PDK4: variants seen among roughly 807,000 people sequenced by gnomAD.
The protein encoded by PDK4 is pyruvate dehydrogenase kinase, isozyme 4.
A neutral mutation model predicts 51.7 loss-of-function variants in PDK4; 43 were observed. The ratio of observed to expected loss-of-function variants is 0.83; its 90% CI spans 0.65 to 1.07. The LOEUF is 1.07. PDK4 is among the 50% of genes least tolerant of loss of function. The pLI, the probability that PDK4 is intolerant of heterozygous loss-of-function variation, is 0.00. For missense variants in PDK4, 498 were observed against 503.5 expected (o/e 0.99, Z 0.10); for synonymous variants, 170 against 176.6 (o/e 0.96, Z 0.30).
At chr7:95,595,749 A>G (rs1791610836) in intron 1 of PDK4, among the ~76,000 whole-genome samples, 1 of 152,368 alleles carries the variant, frequency 6.6e-6, no homozygotes, top group East Asian at 1.9e-4. Flanking sequence ...GAAGGATGCC[A>G]GGTGGCTAAG....
chr7:95,589,702 G>A lies in PDK4; in HGVS notation c.709C>T (p.Gln237Ter). The stretch of plus-strand genomic sequence containing the variant: ...GGAACATACACGATGTGAATTGGTT[G>A]GTCTGGAAATTTTCCTAGAAAAATA... ...LTQVNGKFPD[Q>*]PIHIVYVPSH... is the part of the protein sequence containing the mutation. The change falls in exon 7 of 11, where the codon CAA becomes TAA. Residue 237 changes from glutamine to a stop codon, truncating the protein, a stop_gained. Transcript: ENST00000005178. LOFTEE classifies it high-confidence loss of function. 1 of 1,577,334 alleles carries A rather than the reference G, an allele frequency of 6.3e-7. No homozygotes were observed. Among genetic ancestry groups the A allele is most frequent in the Middle Eastern group, 1.7e-4 (1 of 5,990 alleles).
chr7:95,592,635 A>C, intron 4 of PDK4, 38 bp from the exon 5 acceptor site: 1 of 1,473,856 alleles, frequency 6.8e-7, no homozygotes, highest in Non-Finnish European at 9.5e-7. Context: ...TTGTTATAAA[A>C]TTCAGGATAA....
In PDK4 at chr7:95,583,827, A is replaced by G. The variant is rs2116707254; in HGVS notation, c.*1814T>C. On this transcript the variant is annotated 3_prime_UTR_variant, in exon 11 of 11. Transcript: ENST00000005178. ...TAAATACAAGTATTTACATGTAAAAATGTTTAGCTCAAATTTCAGTAAAAA... is the reference window on the plus strand; with the variant it reads ...TAAATACAAGTATTTACATGTAAAAGTGTTTAGCTCAAATTTCAGTAAAAA... The G allele has an allele frequency of 6.5e-6, 1 of 152,698 alleles. No homozygotes were observed. The highest frequency in any genetic ancestry group is 2.1e-4 in the South Asian group (1 of 4,826). 9.5% of individuals were successfully genotyped at this position (152,698 alleles called of 1,614,324 possible). A position where few individuals can be genotyped will look rare whatever the true frequency, so the allele number is the denominator to read the frequency against.
In PDK4 at chr7:95,596,376, G is replaced by C; in HGVS notation, c.-83C>G. The C allele has an allele frequency of 7.0e-7, 1 of 1,425,218 alleles. No homozygotes were observed. Among genetic ancestry groups the C allele is most frequent in the Non-Finnish European group, 9.2e-7 (1 of 1,086,750 alleles). 88.3% of individuals were successfully genotyped at this position (1,425,218 alleles called of 1,614,324 possible). A position where few individuals can be genotyped will look rare whatever the true frequency, so the allele number is the denominator to read the frequency against. On this transcript the variant is annotated 5_prime_UTR_variant, in exon 1 of 11. Coordinates refer to ENST00000005178, the MANE Select transcript of PDK4 (RefSeq NM_002612.4). Reference sequence around the variant, plus strand: ...CGGAGCAGAGCCTGGTTCCGAGGGGGCGCGGCGCGTCCGGGCGAGGACTGC... The same window carrying C: ...CGGAGCAGAGCCTGGTTCCGAGGGGCCGCGGCGCGTCCGGGCGAGGACTGC...
At chr7:95,592,994 C>T (rs772711557) in intron 3 of PDK4, 50 bp from the exon 4 acceptor site, 17 of 1,277,020 alleles carry the variant, frequency 1.3e-5, no homozygotes, top group Middle Eastern at 3.8e-4. Context: ...GTTTCATTCA[C>T]TTATACTCCT....
Position 95,585,615 on chromosome 7 carries a change from C to A in PDK4, c.*26G>T. 6.3e-7 allele frequency: 1 copy of A among 1,585,324 alleles called. No individual in the cohort carries two copies. Among genetic ancestry groups the A allele is most frequent in the Non-Finnish European group, 8.6e-7 (1 of 1,159,694 alleles). On this transcript the variant is annotated 3_prime_UTR_variant, in exon 11 of 11. Coordinates refer to ENST00000005178, the MANE Select transcript of PDK4 (RefSeq NM_002612.4). ...GCACTGGTGTAGACCCACTTTGATCCCGTAAAGTGTCCTGAGTGTCCCTCT... is the reference window on the plus strand; with the variant it reads ...GCACTGGTGTAGACCCACTTTGATCACGTAAAGTGTCCTGAGTGTCCCTCT...
intron 6 of PDK4, 100 bp from the exon 7 acceptor site, chr7:95,589,816 C>T (rs1791530407): frequency 2.8e-6 from 2 of 711,860 alleles, no homozygotes; most frequent in Admixed American, 2.1e-5. Context: ...AGAGGGTTGG[C>T]ATATTCTCTA....
In PDK4 at chr7:95,589,243, C is replaced by A. The variant is rs572553193; in HGVS notation, c.771+397G>T. On this transcript the variant is annotated intron_variant, in intron 7 of 10. Transcript: ENST00000005178. ...CATACCACCTACAGGAATTCTGGAC[C>A]TGAACTGCTGAGTTAGGAGTAGGAC... Among the ~76,000 whole-genome samples the A allele has an allele frequency of 2.0e-5, 3 of 152,286 alleles. No homozygotes were observed. The South Asian group carries it at 6.2e-4, about 32-fold the overall frequency.
chr7:95,587,288 C>T lies in PDK4; in HGVS notation c.981+130G>A, dbSNP rs117717805. The T allele has an allele frequency of 6.2e-3, 4,560 of 730,534 alleles. 21 individuals carry two copies. Among genetic ancestry groups the T allele is most frequent in the Non-Finnish European group, 8.9e-3 (3,789 of 424,234 alleles). The allele number at this position is 730,534 out of a possible 1,614,324, so 45.3% of individuals were successfully genotyped here. On this transcript the variant is annotated intron_variant, in intron 9 of 10. Coordinates refer to ENST00000005178, the MANE Select transcript of PDK4 (RefSeq NM_002612.4). Reference sequence around the variant, plus strand: ...TTTCACCATTTTTAGCTTGCTTTATCATTCATTCTTATATCCTTCATGTCT... The same window carrying T: ...TTTCACCATTTTTAGCTTGCTTTATTATTCATTCTTATATCCTTCATGTCT...
chr7:95,586,649 A>G (rs1791486568), intron 10 of PDK4: 1 of 169,262 alleles, frequency 5.9e-6, no homozygotes, highest in Admixed American at 5.9e-5. Flanking sequence ...GAACATTATT[A>G]GCATATATTT....
At chr7:95,588,858 C>T (rs760370545) in intron 7 of PDK4, among the ~76,000 whole-genome samples, 1 of 152,168 alleles carries the variant, frequency 6.6e-6, no homozygotes, top group Non-Finnish European at 1.5e-5. Context: ...TGCCTCAGAC[C>T]AGTAACATCT....
At position 95,596,265 on chromosome 7, in the gene PDK4, C is replaced by CTGCG; in HGVS notation, c.25_28dup (p.Ser10ThrfsTer42). On this transcript the variant is annotated frameshift_variant, in exon 1 of 11. Transcript: ENST00000005178. LOFTEE classifies it high-confidence loss of function. ...GCCGGCGCCGTTGAGCGAGCCAGCG[C>CTGCG]TGCGCAGCACGAAGCGGGCCGCCTT... The CTGCG allele has an allele frequency of 6.3e-7, 1 of 1,587,622 alleles. No homozygotes were observed.
In PDK4 at chr7:95,585,201, G is replaced by C. The variant is rs1481820251; in HGVS notation, c.*440C>G. On this transcript the variant is annotated 3_prime_UTR_variant, in exon 11 of 11. Transcript: ENST00000005178. ...ATTGACATATATTTGTAACCACATA[G>C]TGTAAACTAAGTTTTAATCCTTTGC... 1 of 153,384 alleles carries C rather than the reference G, an allele frequency of 6.5e-6. No individual in the cohort carries two copies. The highest frequency in any genetic ancestry group is 1.5e-5 in the Non-Finnish European group (1 of 68,934). The allele number at this position is 153,384 out of a possible 1,614,324, so 9.5% of individuals were successfully genotyped here. A position where few individuals can be genotyped will look rare whatever the true frequency, so the allele number is the denominator to read the frequency against.
chr7:95,591,320 C>T (rs1423292600), intron 6 of PDK4, among the ~76,000 whole-genome samples: 2 of 149,668 alleles, frequency 1.3e-5, no homozygotes, highest in African/African-American at 5.0e-5. Context: ...GGGGTGGAGA[C>T]ATTTAACATG....
chr7:95,587,598 C>T lies in PDK4; in HGVS notation c.871-70G>A, dbSNP rs903546564. 16 of 1,237,040 alleles carry T rather than the reference C, an allele frequency of 1.3e-5. No individual in the cohort carries two copies. The East Asian group carries it at 3.7e-4, about 29-fold the overall frequency. The allele number at this position is 1,237,040 out of a possible 1,614,324, so 76.6% of individuals were successfully genotyped here. A position where few individuals can be genotyped will look rare whatever the true frequency, so the allele number is the denominator to read the frequency against. ...TGTGCATTTGTCTAAATAAAAATGGCTTTCCTTCATTTAAAAATCACCTGG... is the reference window on the plus strand; with the variant it reads ...TGTGCATTTGTCTAAATAAAAATGGTTTTCCTTCATTTAAAAATCACCTGG... On this transcript the variant is annotated intron_variant, in intron 8 of 10. Transcript: ENST00000005178.
chr7:95,592,042 G>A lies in PDK4; in HGVS notation c.640C>T (p.Leu214Phe), dbSNP rs772166748. The part of the protein sequence containing the change: ...VQDAFECSRM[L>F]CDQYYLSSPE... ...GATGATAAATAATACTGATCACAGA[G>A]CATCCTTGAACACTCAAAGGCATCT... The change falls in exon 6 of 11, where the codon CTC becomes TTC. Residue 214 changes from leucine to phenylalanine, a missense_variant. Leu to Phe is a conservative substitution (Grantham distance 22, BLOSUM62 0). Coordinates refer to ENST00000005178, the MANE Select transcript of PDK4 (RefSeq NM_002612.4). 1 of 1,586,282 alleles carries A rather than the reference G, an allele frequency of 6.3e-7. No individual in the cohort carries two copies. Among genetic ancestry groups the A allele is most frequent in the Middle Eastern group, 1.7e-4 (1 of 5,996 alleles).
chr7:95,596,105 G>A (rs1791616180), intron 1 of PDK4, 59 bp downstream of exon 1: 1 of 1,509,504 alleles, frequency 6.6e-7, no homozygotes, highest in Non-Finnish European at 8.9e-7. Context: ...TACCAAGGCT[G>A]AAAGTTAAGG....
In PDK4 at chr7:95,588,589, G is replaced by A. The variant is rs141055754; in HGVS notation, c.772-764C>T. On this transcript the variant is annotated intron_variant, in intron 7 of 10. Transcript: ENST00000005178. ...TCATTAGCTGTAGTGAAATAAAGTAGATCAGATGTTTGTAGTACAGTCAGT... is the reference window on the plus strand; with the variant it reads ...TCATTAGCTGTAGTGAAATAAAGTAAATCAGATGTTTGTAGTACAGTCAGT... Among the ~76,000 whole-genome samples the A allele has an allele frequency of 1.2e-3, 181 of 152,248 alleles. 1 individual carries two copies. Among genetic ancestry groups the A allele is most frequent in the African/African-American group, 4.2e-3 (176 of 41,534 alleles).
rs758007731 is a variant in PDK4, at chr7:95,591,994, C to T, written c.688G>A (p.Val230Met). The change falls in exon 6 of 11, where the codon GTG becomes ATG. Residue 230 changes from valine to methionine, a missense_variant. Transcript: ENST00000005178. ...LSSPELKLTQ[V>M]NGKFPDQPIH... ...TATTTTACTTATAACTTACCATTCA[C>T]TTGTGTAAGCTTTAATTCTGGAGAT... is the stretch of plus-strand genomic sequence containing the variant. 19 of 1,475,652 alleles carry T rather than the reference C, an allele frequency of 1.3e-5. No homozygotes were observed. The South Asian group carries it at 2.1e-4, about 16-fold the overall frequency. The allele number at this position is 1,475,652 out of a possible 1,614,324, so 91.4% of individuals were successfully genotyped here.
Sources: gnomAD v4.1 joint callset for allele counts (sites outside exome capture counted in the v4.1 genomes callset) on GRCh38, gnomAD v4.1.1 for gene constraint, MANE v1.5 for transcripts, NCBI Gene and HGNC (gene_info 2026-07-23, HGNC 2026-07-21) for gene names.